DGKD: variants seen among roughly 807,000 people sequenced by gnomAD.
DGKD encodes the protein diacylglycerol kinase delta, also known as DAG kinase delta.
In DGKD, 68 loss-of-function variants were observed where a neutral mutation model predicts 154.4. The ratio of observed to expected loss-of-function variants is 0.44; its 90% confidence interval spans 0.36 to 0.54. The LOEUF (loss-of-function observed/expected upper bound fraction) is 0.54. DGKD is among the 20% of genes least tolerant of loss of function. The pLI, the probability that DGKD is intolerant of heterozygous loss-of-function variation, is 0.00. For synonymous variants in DGKD, 693 were observed against 638.0 expected (o/e 1.09, Z -1.30); for missense variants, 1,343 against 1,593.6 (o/e 0.84, Z 2.68).
chr2:233,365,445 G>A (rs969074624), intron 1 of DGKD, among the ~76,000 whole-genome samples: 22 of 151,930 alleles, frequency 1.4e-4, no homozygotes, highest in African/African-American at 4.4e-4. Flanking sequence ...GGGTCTCACC[G>A]TCTTGGTTAG....
intron 1 of DGKD, among the ~76,000 whole-genome samples, chr2:233,373,450 G>A (rs1186527985): frequency 3.3e-5 from 5 of 152,130 alleles, no homozygotes; most frequent in African/African-American, 4.8e-5. Context: ...CATGCTTCCC[G>A]TCAATGGAAG....
At chr2:233,428,872 T>TC (rs1250703013) in intron 3 of DGKD, among the ~76,000 whole-genome samples, 2 of 146,628 alleles carry the variant, frequency 1.4e-5, no homozygotes, top group African/African-American at 5.0e-5. Flanking sequence ...AAGAGGTTTT[T>TC]TTTTGTTGTT....
intron 1 of DGKD, among the ~76,000 whole-genome samples, chr2:233,379,303 G>A (rs1474703951): frequency 2.0e-5 from 3 of 152,158 alleles, no homozygotes; most frequent in African/African-American, 7.2e-5. Flanking sequence ...GGATTTCCAG[G>A]CGGAGGAAAG....
intron 3 of DGKD, among the ~76,000 whole-genome samples, chr2:233,401,919 CAAAAAAAAAAA>C (rs34388122): frequency 0.011 from 585 of 54,822 alleles, 6 homozygotes; most frequent in African/African-American, 0.048. Context: ...GACTCTGTCT[CAAAAAAAAAAA>C]AAAAAAAAAA....
intron 11 of DGKD, among the ~76,000 whole-genome samples, chr2:233,446,330 T>C (rs2063069665): frequency 6.6e-6 from 1 of 152,206 alleles, no homozygotes; most frequent in South Asian, 2.1e-4. Flanking sequence ...ACAGTTGTGG[T>C]TTTGCAATGC....
chr2:233,357,241 C>T (rs762289603), intron 1 of DGKD, among the ~76,000 whole-genome samples: 18 of 152,178 alleles, frequency 1.2e-4, no homozygotes, highest in Admixed American at 3.3e-4. Context: ...CCTGGCCTTG[C>T]TGGGGTCACC....
chr2:233,466,959 C>G (rs2063841677), intron 27 of DGKD, 127 bp from the exon 28 acceptor site: 5 of 724,948 alleles, frequency 6.9e-6, no homozygotes, highest in Non-Finnish European at 1.0e-5. Context: ...CTTTCAGGCA[C>G]AAGAGGTCTT....
Position 233,354,739 on chromosome 2 carries a change from C to A in DGKD, c.156+65C>A. On this transcript the variant is annotated intron_variant, in intron 1 of 29. Transcript: ENST00000264057. The surrounding 1 kb of genome is among the most constrained non-coding windows in gnomAD (Gnocchi z 4.8). ...CGCCGCGGCAGCCCCGGCCGAGGCC[C>A]GTGGCCCTGCCCGAGCGGCCGCCCA... is the stretch of plus-strand genomic sequence containing the variant. The A allele has an allele frequency of 2.1e-6, 2 of 939,776 alleles. No individual in the cohort carries two copies. The highest frequency in any genetic ancestry group is 4.7e-5 in the South Asian group (1 of 21,080). 58.2% of individuals were successfully genotyped at this position (939,776 alleles called of 1,614,324 possible).
chr2:233,424,671 C>A (rs988241855), intron 3 of DGKD, among the ~76,000 whole-genome samples: 6 of 152,198 alleles, frequency 3.9e-5, no homozygotes, highest in African/African-American at 1.4e-4. Context: ...AGGGCTCCGC[C>A]TGGAGCCCCC....
At chr2:233,460,912 A>C (rs987259744) in intron 24 of DGKD, among the ~76,000 whole-genome samples, 24 of 151,620 alleles carry the variant, frequency 1.6e-4, no homozygotes, top group African/African-American at 4.6e-4. Context: ...AAAACAAAAC[A>C]AAAAAACCCT....
intron 3 of DGKD, among the ~76,000 whole-genome samples, chr2:233,398,685 T>C (rs528745189): frequency 9.9e-5 from 15 of 152,220 alleles, no homozygotes; most frequent in Admixed American, 2.0e-4. Context: ...AGTGCAGTGA[T>C]GCGATCTCAG....
At position 233,367,241 on chromosome 2, in the gene DGKD, T is replaced by G. The variant is rs566751956; in HGVS notation, c.156+12567T>G. ...CTGGTATTAATGACTTTTTTTTTTT[T>G]TTGTTCAGACAGAATCTCACTCTGT... On this transcript the variant is annotated intron_variant, in intron 1 of 29. Transcript: ENST00000264057. 3.7e-4 allele frequency among the ~76,000 whole-genome samples: 57 copies of G among 152,184 alleles called. 1 individual carries two copies. The highest frequency in any genetic ancestry group is 9.7e-4 in the East Asian group (5 of 5,176).
intron 26 of DGKD, among the ~76,000 whole-genome samples, chr2:233,463,650 TGTC>T (rs2063737278): frequency 6.8e-6 from 1 of 147,882 alleles, no homozygotes; most frequent in Admixed American, 6.7e-5. Flanking sequence ...ACTCCACGCA[TGTC>T]CTCACTGCAC....
chr2:233,364,161 A>G (rs928833558), intron 1 of DGKD, among the ~76,000 whole-genome samples: 7 of 152,246 alleles, frequency 4.6e-5, no homozygotes, highest in African/African-American at 1.2e-4. Context: ...CCAAAAGTCT[A>G]TTGAAATTTA....
intron 7 of DGKD, among the ~76,000 whole-genome samples, chr2:233,436,762 G>T (rs1461664122): frequency 6.6e-6 from 1 of 152,278 alleles, no homozygotes. Context: ...CCTCTGTGGT[G>T]TGGAAGCAGG....
intron 3 of DGKD, among the ~76,000 whole-genome samples, chr2:233,424,512 CA>C (rs1245723376): frequency 6.6e-6 from 1 of 152,210 alleles, no homozygotes; most frequent in Non-Finnish European, 1.5e-5. Context: ...GTCACCCTGC[CA>C]AAACGGAAAT....
intron 1 of DGKD, among the ~76,000 whole-genome samples, chr2:233,365,491 T>C (rs1701982104): frequency 6.6e-6 from 1 of 152,150 alleles, no homozygotes; most frequent in Non-Finnish European, 1.5e-5. Flanking sequence ...GTGATCCACC[T>C]GCCTCGGCCT....
At position 233,434,772 on chromosome 2, in the gene DGKD, A is replaced by G. The variant is rs202176763; in HGVS notation, c.457A>G (p.Thr153Ala). 3.7e-6 allele frequency: 6 copies of G among 1,612,156 alleles called. No individual in the cohort carries two copies. The East Asian group carries it at 1.3e-4, about 36-fold the overall frequency. Residue 153 changes from threonine (T) to alanine (A), a missense_variant, in exon 5 of 30, where the codon ACC (threonine) becomes GCC (alanine). Physicochemically the swap from Thr to Ala is moderately conservative, Grantham distance 58 (BLOSUM62 0). This residue lies in a region of DGKD where 332 missense variants were observed against 400.1 expected (regional missense o/e 0.83). Coordinates refer to ENST00000264057, the MANE Select transcript of DGKD (RefSeq NM_152879.3). ...TVQNREHFEPTQYSMDHFSGM... is the reference protein window; with the variant it reads ...TVQNREHFEPAQYSMDHFSGM... ...CCTCTTGGTTTCGTTCTTCCAGCCC[A>G]CCCAGTACAGCATGGACCACTTCTC... is the stretch of plus-strand genomic sequence containing the variant.
intron 3 of DGKD, among the ~76,000 whole-genome samples, chr2:233,394,691 CTTTTTTTTTTTTTTTTTTTTT>C (rs1162430401): frequency 1.5e-4 from 4 of 26,408 alleles, no homozygotes; most frequent in South Asian, 1.4e-3. Context: ...ATTTAATTCC[CTTTTTTTTTTTTTTTTTTTTT>C]TTTTTTTTTT....
Sources: allele counts gnomAD v4.1 joint callset (sites outside exome capture counted in the v4.1 genomes callset), GRCh38; gene constraint gnomAD v4.1.1; regional missense constraint gnomAD v4.1.1; non-coding constraint Gnocchi (gnomAD v3.1); transcripts MANE v1.5; gene names NCBI Gene and HGNC (gene_info 2026-07-23, HGNC 2026-07-21).